ZNF317: variants seen among roughly 807,000 people sequenced by gnomAD.
The protein encoded by ZNF317 is zinc finger protein 317.
ZNF317 carries 17 observed loss-of-function variants against 23.4 expected under a neutral mutation model. The ratio of observed to expected loss-of-function variants is 0.73; its 90% CI spans 0.50 to 1.09. ZNF317 has a LOEUF of 1.09. Among genes scored for constraint, ZNF317 ranks in the 50% least tolerant of loss-of-function variants. The pLI is 0.00. For missense variants in ZNF317, 679 were observed against 796.7 expected (o/e 0.85, Z 1.78); for synonymous variants, 317 against 314.9 (o/e 1.01, Z -0.07).
chr19:9,157,692 T>TA (rs1194985060), intron 4 of ZNF317: 24 of 507,686 alleles, frequency 4.7e-5, no homozygotes, highest in Non-Finnish European at 5.8e-6. Flanking sequence ...TTTTTTTTTT[T>TA]TTTTTTTTTT....
intron 1 of ZNF317, among the ~76,000 whole-genome samples, chr19:9,148,368 GT>G (rs2050706818): frequency 6.6e-6 from 1 of 152,218 alleles, no homozygotes; most frequent in Non-Finnish European, 1.5e-5. Context: ...CTGAATTGAT[GT>G]GGGTGCGCTC....
At chr19:9,156,966 G>A in intron 3 of ZNF317, 1 of 683,030 alleles carries the variant, frequency 1.5e-6, no homozygotes, top group Non-Finnish European at 2.4e-6. Flanking sequence ...AAAATCTCAG[G>A]CCCTTGCTCA....
intron 1 of ZNF317, among the ~76,000 whole-genome samples, chr19:9,149,919 A>C (rs2050721495): frequency 9.2e-5 from 14 of 152,206 alleles, no homozygotes; most frequent in Admixed American, 9.2e-4. Context: ...GTAGCAGTGT[A>C]GGTGGTGAGA....
In ZNF317 at chr19:9,157,327, G is replaced by C; in HGVS notation, c.222G>C (p.Leu74=). ...TTACCGAGAAGGAGTGGCCCTTGCT[G>C]GATTCTTCTCAGAGAAAACTGTACA... is the stretch of plus-strand genomic sequence containing the variant. ...VDFTEKEWPL[L]DSSQRKLYKD... Residue 74 remains leucine (L), a synonymous_variant, in exon 4 of 7, where the codon CTG becomes CTC. Transcript: ENST00000247956. The C allele has an allele frequency of 1.2e-6, 2 of 1,614,036 alleles. No individual in the cohort carries two copies. Among genetic ancestry groups the C allele is most frequent in the South Asian group, 2.2e-5 (2 of 91,056 alleles).
chr19:9,149,118 A>C (rs972705847), intron 1 of ZNF317, among the ~76,000 whole-genome samples: 1 of 152,222 alleles, frequency 6.6e-6, no homozygotes, highest in African/African-American at 2.4e-5. Context: ...CTGTTTTTGC[A>C]GTAAAAAATA....
At chr19:9,146,637 C>G (rs2050685863) in intron 1 of ZNF317, among the ~76,000 whole-genome samples, 1 of 151,712 alleles carries the variant, frequency 6.6e-6, no homozygotes, top group Non-Finnish European at 1.5e-5. Flanking sequence ...ACCATGTTGG[C>G]CAGGCCAGTC....
In ZNF317 at chr19:9,160,166, T is replaced by G. The variant is rs2050831005; in HGVS notation, c.521T>G (p.Val174Gly). 2 of 1,614,018 alleles carry G rather than the reference T, an allele frequency of 1.2e-6. No homozygotes were observed. Among genetic ancestry groups the G allele is most frequent in the African/African-American group, 2.7e-5 (2 of 74,910 alleles). The change falls in exon 7 of 7, where the codon GTC (valine) becomes GGC (glycine). Residue 174 changes from valine (V) to glycine (G), a missense_variant. Physicochemically the swap from Val to Gly is moderately radical, Grantham distance 109 (BLOSUM62 -3). Transcript: ENST00000247956. This position sits in a 1 kb window ranked among gnomAD's most constrained non-coding sequence, Gnocchi z 6.8. ...KSTEYAHLFE[V>G]FGMDPHLTQP... Reference sequence around the variant, plus strand: ...ACTGAATACGCTCACTTGTTCGAAGTCTTTGGCATGGACCCTCATCTCACT... The same window carrying G: ...ACTGAATACGCTCACTTGTTCGAAGGCTTTGGCATGGACCCTCATCTCACT...
chr19:9,156,817 G>A lies in ZNF317; in HGVS notation c.162+69G>A, dbSNP rs1256293140. ...CTGGAAGACCCCACCAGTGCATGCT[G>A]GAATTCTTGCAGAGCTTCATCTCAG... On this transcript the variant is annotated intron_variant, in intron 3 of 6. Coordinates refer to ENST00000247956, the MANE Select transcript of ZNF317 (RefSeq NM_020933.5). The A allele has an allele frequency of 2.6e-6, 4 of 1,554,594 alleles. No individual in the cohort carries two copies. The South Asian group carries it at 4.8e-5, about 19-fold the overall frequency.
At chr19:9,142,231 T>C (rs780973403) in intron 1 of ZNF317, among the ~76,000 whole-genome samples, 3 of 152,280 alleles carry the variant, frequency 2.0e-5, no homozygotes, top group Admixed American at 6.5e-5. Context: ...ATGTTCTTCG[T>C]AGACAAGGAA....
At position 9,153,837 on chromosome 19, in the gene ZNF317, A is replaced by G. The variant is rs574731984; in HGVS notation, c.-92-2088A>G. On this transcript the variant is annotated intron_variant, in intron 1 of 6. Coordinates refer to ENST00000247956, the MANE Select transcript of ZNF317 (RefSeq NM_020933.5). ...ATTCACTGACACGGGAGTAAATTGT[A>G]TTTTCTGTGAGGATGGGGATGATGG... 4.6e-5 allele frequency among the ~76,000 whole-genome samples: 7 copies of G among 152,142 alleles called. No individual in the cohort carries two copies. In the South Asian group the frequency reaches 1.5e-3, roughly 32 times the overall value.
In ZNF317 at chr19:9,161,053, C is replaced by G. The variant is rs568121926; in HGVS notation, c.1408C>G (p.Gln470Glu). ...NLTAHRKIHT[Q>E]ERRYECAACG... ...CACCGCACACAGGAAGATACACACG[C>G]AAGAGAGACGCTACGAATGCGCCGC... Residue 470 changes from glutamine to glutamate, a missense_variant, in exon 7 of 7, where the codon CAA becomes GAA. Physicochemically the swap from Gln to Glu is conservative, Grantham distance 29. Coordinates refer to ENST00000247956, the MANE Select transcript of ZNF317 (RefSeq NM_020933.5). The surrounding 1 kb of genome is among the most constrained non-coding windows in gnomAD (Gnocchi z 4.0). 1 of 1,614,086 alleles carries G rather than the reference C, an allele frequency of 6.2e-7. No homozygotes were observed. Among genetic ancestry groups the G allele is most frequent in the African/African-American group, 1.3e-5 (1 of 75,004 alleles).
chr19:9,147,347 T>G (rs1437961704), intron 1 of ZNF317, among the ~76,000 whole-genome samples: 1 of 128,290 alleles, frequency 7.8e-6, no homozygotes, highest in Admixed American at 7.7e-5. Flanking sequence ...TTTTTTTTTT[T>G]TTTTTTTTTT....
intron 5 of ZNF317, among the ~76,000 whole-genome samples, chr19:9,158,356 CTTTTTTCTTTTT>C (rs2050808899): frequency 2.7e-5 from 2 of 74,876 alleles, no homozygotes; most frequent in Admixed American, 1.4e-4. Flanking sequence ...CCTTAAATTT[CTTTTTTCTTTTT>C]TTTTTTTTTT....
intron 1 of ZNF317, among the ~76,000 whole-genome samples, chr19:9,150,237 A>G (rs1041321458): frequency 6.6e-6 from 1 of 152,228 alleles, no homozygotes; most frequent in Admixed American, 6.5e-5. Context: ...CACCCACTAT[A>G]AATGAACAAT....
At position 9,161,112 on chromosome 19, in the gene ZNF317, G is replaced by T; in HGVS notation, c.1467G>T (p.Arg489=). 6.2e-7 allele frequency: 1 copy of T among 1,614,188 alleles called. No individual in the cohort carries two copies. The highest frequency in any genetic ancestry group is 1.1e-5 in the South Asian group (1 of 91,082). ...CGKVFGDYLS[R]RRHMSVHLVK... Reference sequence around the variant, plus strand: ...AAGTCTTCGGTGACTATTTATCCCGGCGGAGGCACATGAGCGTTCACCTTG... The same window carrying T: ...AAGTCTTCGGTGACTATTTATCCCGTCGGAGGCACATGAGCGTTCACCTTG... Residue 489 remains arginine, a synonymous_variant, in exon 7 of 7, where the codon CGG becomes CGT. Transcript: ENST00000247956. The surrounding 1 kb of genome is among the most constrained non-coding windows in gnomAD (Gnocchi z 4.0).
chr19:9,148,376 G>A (rs549760713), intron 1 of ZNF317, among the ~76,000 whole-genome samples: 31 of 152,190 alleles, frequency 2.0e-4, no homozygotes, highest in Admixed American at 3.9e-4. Flanking sequence ...ATGTGGGTGC[G>A]CTCTCTAAGC....
rs1229678575 is a variant in ZNF317, at chr19:9,162,315, A to C, written c.*882A>C. ...CGTCACTGTTGCTGAGGTTGAAAAT[A>C]ATCATGCAGTCATTCCTCAATTACT... On this transcript the variant is annotated 3_prime_UTR_variant, in exon 7 of 7. Coordinates refer to ENST00000247956, the MANE Select transcript of ZNF317 (RefSeq NM_020933.5). The C allele has an allele frequency of 6.6e-6, 1 of 152,162 alleles. No individual in the cohort carries two copies. Among genetic ancestry groups the C allele is most frequent in the Admixed American group, 6.5e-5 (1 of 15,276 alleles). The allele number at this position is 152,162 out of a possible 1,614,324, so 9.4% of individuals were successfully genotyped here.
chr19:9,161,192 C>T lies in ZNF317; in HGVS notation c.1547C>T (p.Thr516Met), dbSNP rs957403959. The change falls in exon 7 of 7, where the codon ACG (threonine) becomes ATG (methionine). Residue 516 changes from threonine to methionine, a missense_variant. Thr to Met is a moderately conservative substitution (Grantham distance 81). Coordinates refer to ENST00000247956, the MANE Select transcript of ZNF317 (RefSeq NM_020933.5). The surrounding 1 kb of genome is among the most constrained non-coding windows in gnomAD (Gnocchi z 4.0). The stretch of plus-strand genomic sequence containing the variant: ...GGCAAGGCCTTCAGGAACCAGTCAA[C>T]GCTGAAGACGCACATGCGAAGCCAC... ...QCGKAFRNQS[T>M]LKTHMRSHTG... 8 of 1,613,830 alleles carry T rather than the reference C, an allele frequency of 5.0e-6. No individual in the cohort carries two copies. Among genetic ancestry groups the T allele is most frequent in the African/African-American group, 4.0e-5 (3 of 74,858 alleles).
chr19:9,158,370 T>TTTC (rs2050810280), intron 5 of ZNF317, among the ~76,000 whole-genome samples: 1 of 96,124 alleles, frequency 1.0e-5, no homozygotes, highest in African/African-American at 4.4e-5. Context: ...TTTCTTTTTT[T>TTTC]TTTTTTTTTT....
Sources: gnomAD v4.1 joint callset for allele counts (sites outside exome capture counted in the v4.1 genomes callset) on GRCh38, gnomAD v4.1.1 for gene constraint, Gnocchi (gnomAD v3.1) non-coding constraint, MANE v1.5 for transcripts, NCBI Gene and HGNC (gene_info 2026-07-23, HGNC 2026-07-21) for gene names.